OSBPL10: variants seen among roughly 807,000 people sequenced by gnomAD.
OSBPL10 encodes oxysterol-binding protein-related protein 10.
In OSBPL10, 49 loss-of-function variants were observed where a neutral mutation model predicts 81.7. The ratio of observed to expected loss-of-function variants is 0.60; its 90% CI spans 0.48 to 0.76. The LOEUF is 0.76. Ranked by LOEUF, OSBPL10 falls within the 30% of genes least tolerant of loss-of-function variation. The probability of loss-of-function intolerance (pLI) is 0.00; values close to 1 mark genes in which losing one functional copy is unlikely to be tolerated. For synonymous variants in OSBPL10, 419 were observed against 383.6 expected, an observed-to-expected ratio of 1.09 and a Z score of -1.08; for missense variants, 923 against 987.8, an observed-to-expected ratio of 0.93 and a Z score of 0.88.
chr3:31,918,402 C>G (rs1172651525), intron 1 of OSBPL10, among the ~76,000 whole-genome samples: 1 of 151,550 alleles, frequency 6.6e-6, no homozygotes, highest in Non-Finnish European at 1.5e-5. Context: ...GATCATAGCT[C>G]ACTGTAGCCT....
At chr3:31,817,367 C>A (rs139867174) in intron 4 of OSBPL10, among the ~76,000 whole-genome samples, 1 of 152,218 alleles carries the variant, frequency 6.6e-6, no homozygotes. Flanking sequence ...ACAGCAGGAA[C>A]AGACATCCTC....
chr3:31,965,459 T>TATATG (rs71068019), intron 1 of OSBPL10, among the ~76,000 whole-genome samples: 5,916 of 69,856 alleles, frequency 0.085, 834 homozygotes, highest in South Asian at 0.22. Flanking sequence ...TAATATATAA[T>TATATG]TTATATAATA....
At chr3:31,864,519 A>G (rs1254778930) in intron 3 of OSBPL10, among the ~76,000 whole-genome samples, 1 of 152,056 alleles carries the variant, frequency 6.6e-6, no homozygotes, top group African/African-American at 2.4e-5. Flanking sequence ...GGATTACAGG[A>G]GTGAGCCACC....
At position 31,810,086 on chromosome 3, in the gene OSBPL10, G is replaced by C. The variant is rs557752388; in HGVS notation, c.729+19954C>G. ...GGGTCTCTCCATGTTGGTCAGGCTG[G>C]TCTCGAACTCCTGACCTTAGGTGAT... On this transcript the variant is annotated intron_variant, in intron 4 of 11. Transcript: ENST00000396556. Among the ~76,000 whole-genome samples the C allele has an allele frequency of 7.2e-5, 11 of 152,038 alleles. No individual in the cohort carries two copies. The South Asian group carries it at 2.3e-3, about 32-fold the overall frequency.
At chr3:31,975,873 A>G (rs1230321580) in intron 1 of OSBPL10, among the ~76,000 whole-genome samples, 1 of 152,232 alleles carries the variant, frequency 6.6e-6, no homozygotes, top group Non-Finnish European at 1.5e-5. Context: ...TGGAGATAAC[A>G]GCAGCAACAA....
chr3:31,831,075 TAAC>T (rs1166066818), intron 3 of OSBPL10, among the ~76,000 whole-genome samples: 1 of 152,116 alleles, frequency 6.6e-6, no homozygotes, highest in Non-Finnish European at 1.5e-5. Flanking sequence ...AGAAAACACA[TAAC>T]CATGGGCCTA....
rs1461588994 is a variant in OSBPL10, at chr3:31,989,804, G to A, written n.298+56687C>T. On this transcript the variant is annotated intron_variant and non_coding_transcript_variant, in intron 2 of 3. Coordinates refer to the OSBPL10 transcript ENST00000479173. Reference sequence around the variant, plus strand: ...GAGAGTGGCAAAGCCTTTAATTGTAGCTCACTCTTAAGGAAACATCAGATA... The same window carrying A: ...GAGAGTGGCAAAGCCTTTAATTGTAACTCACTCTTAAGGAAACATCAGATA... The A allele has an allele frequency of 1.9e-6, 3 of 1,613,906 alleles. No homozygotes were observed. The East Asian group carries it at 6.7e-5, about 36-fold the overall frequency.
chr3:31,858,393 A>G (rs1175060534), intron 3 of OSBPL10, among the ~76,000 whole-genome samples: 1 of 152,074 alleles, frequency 6.6e-6, no homozygotes, highest in African/African-American at 2.4e-5. Context: ...ACCCCATTTC[A>G]TTTCACAAGC....
intron 1 of OSBPL10, among the ~76,000 whole-genome samples, chr3:31,947,059 C>T (rs537914242): frequency 6.6e-6 from 1 of 152,244 alleles, no homozygotes; most frequent in South Asian, 2.1e-4. Flanking sequence ...AGAAAGGCAG[C>T]TATGCCTCAG....
chr3:31,671,519 A>C (rs942518514), intron 8 of OSBPL10, among the ~76,000 whole-genome samples: 4 of 152,150 alleles, frequency 2.6e-5, no homozygotes, highest in African/African-American at 7.2e-5. Flanking sequence ...CTTGTCTTTT[A>C]AACTTCTAGG....
intron 2 of OSBPL10, among the ~76,000 whole-genome samples, chr3:32,002,587 G>C (rs1699161788): frequency 6.8e-6 from 1 of 147,660 alleles, no homozygotes; most frequent in Admixed American, 6.8e-5. Context: ...TCTGTACCTA[G>C]GGTTTGAATC....
chr3:31,931,531 A>G (rs1156451092), intron 1 of OSBPL10, among the ~76,000 whole-genome samples: 1 of 152,170 alleles, frequency 6.6e-6, no homozygotes, highest in East Asian at 1.9e-4. Context: ...TCCTTCCTCT[A>G]TACATCAGTG....
At chr3:31,738,357 C>G (rs1697251720) in intron 5 of OSBPL10, among the ~76,000 whole-genome samples, 1 of 149,356 alleles carries the variant, frequency 6.7e-6, no homozygotes, top group Non-Finnish European at 1.5e-5. Flanking sequence ...ATTTTCCAAT[C>G]ATGGAAGCAG....
At chr3:31,906,153 G>A (rs1696404344) in intron 1 of OSBPL10, among the ~76,000 whole-genome samples, 1 of 151,980 alleles carries the variant, frequency 6.6e-6, no homozygotes, top group South Asian at 2.1e-4. Flanking sequence ...TCACGATCAG[G>A]GAACCAAAAA....
chr3:31,776,310 T>C (rs145622540), intron 4 of OSBPL10, among the ~76,000 whole-genome samples: 3 of 151,876 alleles, frequency 2.0e-5, no homozygotes, highest in African/African-American at 7.3e-5. Context: ...AAGGAGAAAA[T>C]TTTTAAAAGC....
chr3:31,882,108 G>T lies in OSBPL10; in HGVS notation c.282-2278C>A, dbSNP rs558828513. On this transcript the variant is annotated intron_variant, in intron 1 of 11. Coordinates refer to ENST00000396556, the MANE Select transcript of OSBPL10 (RefSeq NM_017784.5). The stretch of plus-strand genomic sequence containing the variant: ...AAAGCTCCTTTGCCTGGCAGTAGAG[G>T]TCCCTACTTATGGCCCCGGCAAGGG... 6.0e-4 allele frequency among the ~76,000 whole-genome samples: 91 copies of T among 152,260 alleles called. No individual in the cohort carries two copies. The Middle Eastern group carries it at 0.031, about 51-fold the overall frequency.
At chr3:32,008,538 C>T (rs1355757875) in intron 2 of OSBPL10, among the ~76,000 whole-genome samples, 1 of 150,416 alleles carries the variant, frequency 6.6e-6, no homozygotes, top group African/African-American at 2.5e-5. Context: ...CAAGACCAGC[C>T]TGGGCAACAT....
At chr3:31,893,731 T>C (rs942948281) in intron 1 of OSBPL10, among the ~76,000 whole-genome samples, 2 of 152,040 alleles carry the variant, frequency 1.3e-5, no homozygotes, top group Admixed American at 6.5e-5. Flanking sequence ...AAAAACATTA[T>C]GCTAAAGGAG....
intron 2 of OSBPL10, among the ~76,000 whole-genome samples, chr3:31,994,667 GAC>G (rs1699070866): frequency 6.6e-6 from 1 of 152,136 alleles, no homozygotes; most frequent in Non-Finnish European, 1.5e-5. Context: ...GATTAAATGA[GAC>G]ACCAAATCAG....
Sources: allele counts gnomAD v4.1 joint callset (sites outside exome capture counted in the v4.1 genomes callset), GRCh38; gene constraint gnomAD v4.1.1; transcripts MANE v1.5; gene names NCBI Gene and HGNC (gene_info 2026-07-23, HGNC 2026-07-21).